RARB: variants seen among roughly 807,000 people sequenced by gnomAD.
The protein encoded by RARB is retinoic acid receptor beta, also known as HBV-activated protein.
RARB carries 17 observed loss-of-function variants against 51.9 expected under a neutral mutation model. That is an observed-to-expected ratio of 0.33 (90% CI 0.22 to 0.49). The LOEUF is 0.49. RARB is among the 20% of genes least tolerant of loss of function. RARB has a pLI of 0.99. For missense variants in RARB, 369 were observed against 550.8 expected (o/e 0.67, Z 3.30); for synonymous variants, 215 against 195.4 (o/e 1.10, Z -0.84).
intron 3 of RARB, among the ~76,000 whole-genome samples, chr3:25,071,388 A>G (rs769530174): frequency 1.8e-4 from 27 of 152,180 alleles, no homozygotes; most frequent in Non-Finnish European, 3.5e-4. Context: ...CTTTGCAGAA[A>G]CACAACCACA....
intron 2 of RARB, among the ~76,000 whole-genome samples, chr3:24,930,609 T>A (rs1695418428): frequency 6.6e-6 from 1 of 152,116 alleles, no homozygotes. Flanking sequence ...TGCTTGTCTA[T>A]CAAACATTTA....
At chr3:24,842,426 T>C (rs897877763) in intron 1 of RARB, among the ~76,000 whole-genome samples, 1 of 152,208 alleles carries the variant, frequency 6.6e-6, no homozygotes, top group African/African-American at 2.4e-5. Context: ...AATATGAATA[T>C]GATTTTGTGA....
At chr3:25,207,060 T>G (rs564097002) in intron 5 of RARB, among the ~76,000 whole-genome samples, 1 of 152,220 alleles carries the variant, frequency 6.6e-6, no homozygotes, top group Non-Finnish European at 1.5e-5. Context: ...CACAGAATCA[T>G]GAGGTTAAGA....
intron 1 of RARB, among the ~76,000 whole-genome samples, chr3:25,438,898 C>T (rs1273881414): frequency 1.3e-5 from 2 of 152,220 alleles, no homozygotes; most frequent in Non-Finnish European, 2.9e-5. Flanking sequence ...CAGTCTTTTA[C>T]ATTGTGGAGG....
At chr3:24,895,230 A>T (rs1237700963) in intron 2 of RARB, among the ~76,000 whole-genome samples, 2 of 152,228 alleles carry the variant, frequency 1.3e-5, no homozygotes, top group East Asian at 1.9e-4. Flanking sequence ...TCACACAGTT[A>T]ATTCATTAAA....
intron 5 of RARB, among the ~76,000 whole-genome samples, chr3:25,290,020 C>T (rs1421100685): frequency 6.6e-6 from 1 of 152,130 alleles, no homozygotes; most frequent in East Asian, 1.9e-4. Context: ...CTGTGGAAAT[C>T]CCCCTCTCAG....
chr3:25,369,594 C>T (rs1190248348), intron 5 of RARB, among the ~76,000 whole-genome samples: 1 of 152,130 alleles, frequency 6.6e-6, no homozygotes, highest in Admixed American at 6.6e-5. Context: ...GTAAGTAATG[C>T]TGTCACATTG....
intron 1 of RARB, among the ~76,000 whole-genome samples, chr3:25,433,523 G>C (rs1169229201): frequency 6.6e-6 from 1 of 152,190 alleles, no homozygotes; most frequent in Non-Finnish European, 1.5e-5. Flanking sequence ...ACAGGGTGGG[G>C]AGGAGGGAGT....
chr3:24,965,656 A>G (rs967783058), intron 2 of RARB, among the ~76,000 whole-genome samples: 3 of 152,166 alleles, frequency 2.0e-5, no homozygotes. Flanking sequence ...AAAATTTAGT[A>G]TCTGTCTCAC....
At chr3:25,240,933 T>C (rs1278281481) in intron 5 of RARB, among the ~76,000 whole-genome samples, 1 of 152,210 alleles carries the variant, frequency 6.6e-6, no homozygotes, top group African/African-American at 2.4e-5. Flanking sequence ...TTTGGTAGAA[T>C]TTGACAATGA....
At chr3:25,524,930 T>C (rs972198862) in intron 3 of RARB, among the ~76,000 whole-genome samples, 1 of 151,996 alleles carries the variant, frequency 6.6e-6, no homozygotes, top group Non-Finnish European at 1.5e-5. Flanking sequence ...GGTTTCATCA[T>C]GTTGGCCCGA....
intron 5 of RARB, among the ~76,000 whole-genome samples, chr3:25,383,243 T>C (rs1706683161): frequency 6.6e-6 from 1 of 152,184 alleles, no homozygotes; most frequent in South Asian, 2.1e-4. Context: ...TGAGAACCCA[T>C]GTCCTCTGAA....
chr3:25,166,560 G>A (rs958963607), intron 4 of RARB, among the ~76,000 whole-genome samples: 2 of 152,140 alleles, frequency 1.3e-5, no homozygotes, highest in Non-Finnish European at 2.9e-5. Flanking sequence ...AAAAGAATTT[G>A]TTGTACTCTA....
At chr3:24,920,807 C>T (rs1427824777) in intron 2 of RARB, among the ~76,000 whole-genome samples, 1 of 152,178 alleles carries the variant, frequency 6.6e-6, no homozygotes, top group Non-Finnish European at 1.5e-5. Flanking sequence ...GTCTCTCTCA[C>T]TTTGTCAATC....
rs551146666 is a variant in RARB at position 24,903,403 on chromosome 3, T to G, written c.-380+44651T>G. On this transcript the variant is annotated intron_variant, in intron 2 of 11. Transcript: ENST00000383772. ...ATTTGAAACTGATAAATATTAAGTTTCCCCGGTGTTTAGAAGCTATTAAAC... is the reference window on the plus strand; with the variant it reads ...ATTTGAAACTGATAAATATTAAGTTGCCCCGGTGTTTAGAAGCTATTAAAC... Among the ~76,000 whole-genome samples the G allele has an allele frequency of 2.1e-4, 32 of 152,272 alleles. No individual in the cohort carries two copies. The South Asian group carries it at 4.6e-3, about 22-fold the overall frequency.
rs1331277278 is a variant in RARB, at chr3:25,442,109, A to AT, written c.157+13225dup. ...GCTGAGGAAGTGACTTTTTAATTTT[A>AT]TTTTATTTTTATTTATTTATTTATT... On this transcript the variant is annotated intron_variant, in intron 1 of 7. Transcript: ENST00000330688. 4.0e-3 allele frequency among the ~76,000 whole-genome samples: 472 copies of AT among 118,764 alleles called. 1 individual carries two copies. The highest frequency in any genetic ancestry group is 0.013 in the African/African-American group (434 of 33,170). 77.9% of individuals were successfully genotyped at this position (118,764 alleles called of 152,430 possible).
chr3:24,967,027 T>C (rs1388155551), intron 2 of RARB, among the ~76,000 whole-genome samples: 1 of 152,162 alleles, frequency 6.6e-6, no homozygotes. Context: ...TGTCTTTTAT[T>C]TACTTTGTGT....
chr3:25,320,709 C>T (rs1030656976), intron 5 of RARB, among the ~76,000 whole-genome samples: 5 of 152,128 alleles, frequency 3.3e-5, no homozygotes, highest in Admixed American at 6.5e-5. Flanking sequence ...TGTTAACATA[C>T]CTCTCAAAAA....
chr3:25,378,528 G>A (rs1022874827), intron 5 of RARB, among the ~76,000 whole-genome samples: 4 of 152,120 alleles, frequency 2.6e-5, no homozygotes, highest in African/African-American at 4.8e-5. Context: ...AGGATAAATC[G>A]GCATCATCCA....
Sources: gnomAD v4.1 joint callset for allele counts (sites outside exome capture counted in the v4.1 genomes callset) on GRCh38, gnomAD v4.1.1 for gene constraint, MANE v1.5 for transcripts, NCBI Gene and HGNC (gene_info 2026-07-23, HGNC 2026-07-21) for gene names.